The following PALM variants were observed in gnomAD, a reference collection of about 807,000 sequenced individuals.
PALM encodes the protein paralemmin-1.
Under a neutral mutation model 30.7 loss-of-function variants are expected in PALM, and 18 were observed. That is an observed-to-expected ratio of 0.59 (90% confidence interval 0.41 to 0.87). The LOEUF (loss-of-function observed/expected upper bound fraction) is 0.87. Among genes scored for constraint, PALM ranks in the 40% least tolerant of loss-of-function variants. PALM has a pLI of 0.00. For synonymous variants in PALM, 286 were observed against 242.8 expected, an observed-to-expected ratio of 1.18 and a Z score of -1.66; for missense variants, 529 against 555.4, an observed-to-expected ratio of 0.95 and a Z score of 0.48.
intron 2 of PALM, 114 bp downstream of exon 2, chr19:726,303 A>G (rs989500790): frequency 2.5e-6 from 2 of 813,152 alleles, no homozygotes; most frequent in African/African-American, 3.4e-5. Context: ...GTGGGTGGTG[A>G]GTTATTTGCT....
At chr19:740,968 CAAA>C (rs60937470) in intron 8 of PALM, among the ~76,000 whole-genome samples, 11 of 93,800 alleles carry the variant, frequency 1.2e-4, no homozygotes, top group East Asian at 7.9e-4. Context: ...CCGTCTCTAC[CAAA>C]AAAAAAAAAA....
intron 4 of PALM, among the ~76,000 whole-genome samples, chr19:728,141 G>T (rs900712600): frequency 6.6e-6 from 1 of 152,204 alleles, no homozygotes; most frequent in Non-Finnish European, 1.5e-5. Flanking sequence ...CGAACGGGAT[G>T]GATGCAGAGC....
chr19:730,166 G>C (rs1319036597), intron 4 of PALM, among the ~76,000 whole-genome samples: 1 of 151,898 alleles, frequency 6.6e-6, no homozygotes, highest in Admixed American at 6.6e-5. Context: ...CAGGCTGACT[G>C]TGGGCTCCCA....
At chr19:735,015 CCT>C in intron 6 of PALM, 1 of 960,904 alleles carries the variant, frequency 1.0e-6, no homozygotes, top group Non-Finnish European at 1.2e-6. Context: ...TCCAGACAGG[CCT>C]CTCAGGGATT....
intron 7 of PALM, 129 bp from the exon 8 acceptor site, chr19:740,223 C>G: frequency 1.1e-6 from 1 of 911,610 alleles, no homozygotes; most frequent in Non-Finnish European, 1.6e-6. Context: ...CCAGGCATCC[C>G]CGGCTCCGCC....
rs3837994 is a variant in PALM at position 732,939 on chromosome 19, GT to G, written c.421-1223del. Among the ~76,000 whole-genome samples the G allele has an allele frequency of 0.018, 2,542 of 145,104 alleles. 228 individuals carry two copies. The East Asian group carries it at 0.28, about 16-fold the overall frequency. On this transcript the variant is annotated intron_variant, in intron 5 of 8. Transcript: ENST00000338448. ...GGAGGACGTGGGGTGGTTTTTTTGT[GT>G]TTTTTTTTTTGAGACAGAGTTTCAC...
rs2144899190 is a variant in PALM at position 733,496 on chromosome 19, G to T, written c.421-677G>T. Among the ~76,000 whole-genome samples, 2 of 152,288 alleles carry T rather than the reference G, an allele frequency of 1.3e-5. 1 individual carries two copies. The highest frequency in any genetic ancestry group is 1.3e-4 in the Admixed American group (2 of 15,294). On this transcript the variant is annotated intron_variant, in intron 5 of 8. Coordinates refer to ENST00000338448, the MANE Select transcript of PALM (RefSeq NM_002579.3). ...TCAGGGAGAGGGGCCTGTGTGCAGG[G>T]TCTGACCATGCAGGGCAGAACGGGT...
rs1355719318 is a variant in PALM at position 746,848 on chromosome 19, C to T, written c.*34C>T. 1 of 1,290,892 alleles carries T rather than the reference C, an allele frequency of 7.7e-7. No homozygotes were observed. Among genetic ancestry groups the T allele is most frequent in the Admixed American group, 2.3e-5 (1 of 43,042 alleles). 80.0% of individuals were successfully genotyped at this position (1,290,892 alleles called of 1,614,324 possible). On this transcript the variant is annotated 3_prime_UTR_variant, in exon 9 of 9. Coordinates refer to ENST00000338448, the MANE Select transcript of PALM (RefSeq NM_002579.3). The surrounding 1 kb of genome is among the most constrained non-coding windows in gnomAD (Gnocchi z 7.1). ...CCGAGACCCCGGCCCCCACCCCACA[C>T]CACAGACACCCACCAGCCCGGCCCC...
At chr19:730,881 A>G (rs2032847346) in intron 4 of PALM, among the ~76,000 whole-genome samples, 1 of 152,098 alleles carries the variant, frequency 6.6e-6, no homozygotes, top group Non-Finnish European at 1.5e-5. Context: ...CACGCCTGTA[A>G]TCCCAGCTAC....
At chr19:740,572 C>T (rs936713210) in intron 8 of PALM, 89 bp downstream of exon 8, 63 of 1,223,982 alleles carry the variant, frequency 5.1e-5, no homozygotes, top group Admixed American at 7.2e-5. Context: ...GCGTCTGCCC[C>T]GGAATCAGGA....
At chr19:723,548 C>T (rs150231986) in intron 1 of PALM, among the ~76,000 whole-genome samples, 51 of 152,270 alleles carry the variant, frequency 3.3e-4, no homozygotes, top group Non-Finnish European at 6.5e-4. Context: ...CCAAGCTCAG[C>T]CCCAGTCTAG....
intron 8 of PALM, among the ~76,000 whole-genome samples, chr19:741,829 C>G (rs1448922708): frequency 6.6e-6 from 1 of 151,778 alleles, no homozygotes; most frequent in East Asian, 1.9e-4. Context: ...GCCCCACTCT[C>G]TCTCTTTCTT....
intron 6 of PALM, chr19:734,599 G>A (rs1167683338): frequency 1.5e-5 from 3 of 203,328 alleles, no homozygotes; most frequent in East Asian, 1.6e-4. Context: ...TAACCCCAGC[G>A]CTCTGGGAGG....
At chr19:718,814 C>T (rs1229171736) in intron 1 of PALM, among the ~76,000 whole-genome samples, 2 of 151,962 alleles carry the variant, frequency 1.3e-5, no homozygotes, top group Non-Finnish European at 2.9e-5. Flanking sequence ...AAGCTGGGAG[C>T]TGATGAAGGG....
intron 1 of PALM, chr19:723,026 C>G (rs554346987): frequency 6.6e-6 from 1 of 152,636 alleles, no homozygotes; most frequent in African/African-American, 2.4e-5. Context: ...GGTGGGCAGG[C>G]GGGGCGCCTC....
Position 743,731 on chromosome 19 carries a change from G to C in PALM, c.635-2554G>C, listed in dbSNP as rs575774687. On this transcript the variant is annotated intron_variant, in intron 8 of 8. Coordinates refer to ENST00000338448, the MANE Select transcript of PALM (RefSeq NM_002579.3). ...TTTGCAGGGCTGTGAGCTAGGGCTG[G>C]TGTTAGATCATAGCAGGGAGCCGTG... Among the ~76,000 whole-genome samples, 8 of 152,206 alleles carry C rather than the reference G, an allele frequency of 5.3e-5. No individual in the cohort carries two copies. In the East Asian group the frequency reaches 1.5e-3, roughly 29 times the overall value.
chr19:746,743 G>C lies in PALM; in HGVS notation c.1093G>C (p.Glu365Gln). The change falls in exon 9 of 9, where the codon GAG (glutamate) becomes CAG (glutamine). Residue 365 changes from glutamate (E) to glutamine (Q), a missense_variant. Glu to Gln is a conservative substitution (Grantham distance 29). Coordinates refer to ENST00000338448, the MANE Select transcript of PALM (RefSeq NM_002579.3). The surrounding 1 kb of genome is among the most constrained non-coding windows in gnomAD (Gnocchi z 7.1). ...ASREENQAGPEATTSDPQDLD... is the reference protein window; with the variant it reads ...ASREENQAGPQATTSDPQDLD... ...CAGGGAAGAGAATCAGGCGGGGCCC[G>C]AGGCCACCACCAGCGACCCCCAGGA... The C allele has an allele frequency of 6.2e-7, 1 of 1,600,416 alleles. No homozygotes were observed. Among genetic ancestry groups the C allele is most frequent in the South Asian group, 1.1e-5 (1 of 89,874 alleles).
At chr19:740,531 C>T (rs777098435) in intron 8 of PALM, 48 bp downstream of exon 8, 20 of 1,511,790 alleles carry the variant, frequency 1.3e-5, no homozygotes, top group African/African-American at 2.8e-5. Context: ...GCCAGAGCCC[C>T]GAACACGTGT....
chr19:741,627 A>C (rs2033199212), intron 8 of PALM, among the ~76,000 whole-genome samples: 3 of 151,766 alleles, frequency 2.0e-5, no homozygotes. Context: ...AGGGAGGAGA[A>C]GGGTGCTTTG....
Sources: allele counts gnomAD v4.1 joint callset (sites outside exome capture counted in the v4.1 genomes callset), GRCh38; gene constraint gnomAD v4.1.1; non-coding constraint Gnocchi (gnomAD v3.1); transcripts MANE v1.5; gene names NCBI Gene and HGNC (gene_info 2026-07-23, HGNC 2026-07-21).